The following MYZAP variants were observed in gnomAD, a reference collection of about 807,000 sequenced individuals.
MYZAP encodes the protein myocardial zonula adherens protein.
A neutral mutation model predicts 69.4 loss-of-function variants in MYZAP; 66 were observed. That is an observed-to-expected ratio of 0.95 (90% CI 0.78 to 1.17). MYZAP has a LOEUF of 1.17. Ranked by LOEUF, MYZAP falls within the 50% of genes most tolerant of loss-of-function variation. The pLI, the probability that MYZAP is intolerant of heterozygous loss-of-function variation, is 0.00. For missense variants in MYZAP, 611 were observed against 556.2 expected, an observed-to-expected ratio of 1.10 and a Z score of -0.99; for synonymous variants, 256 against 205.9, an observed-to-expected ratio of 1.24 and a Z score of -2.09.
chr15:57,643,181 G>A (rs2037257926), intron 10 of MYZAP, among the ~76,000 whole-genome samples: 1 of 152,114 alleles, frequency 6.6e-6, no homozygotes, highest in Non-Finnish European at 1.5e-5. Flanking sequence ...CGAGGGATTG[G>A]AAAGAAAAAG....
intron 11 of MYZAP, among the ~76,000 whole-genome samples, chr15:57,662,855 C>T (rs1392761304): frequency 1.3e-5 from 2 of 152,140 alleles, no homozygotes; most frequent in Non-Finnish European, 2.9e-5. Flanking sequence ...TGAGGGGTTG[C>T]CTTACAGCAG....
intron 12 of MYZAP, among the ~76,000 whole-genome samples, chr15:57,679,422 T>C (rs1333550943): frequency 3.3e-5 from 5 of 149,880 alleles, no homozygotes; most frequent in Admixed American, 6.7e-5. Flanking sequence ...ATGAGCTCCA[T>C]GAGGGCAGGG....
intron 11 of MYZAP, among the ~76,000 whole-genome samples, chr15:57,671,758 T>TA (rs2038879723): frequency 6.6e-6 from 1 of 152,236 alleles, no homozygotes; most frequent in South Asian, 2.1e-4. Flanking sequence ...CTATTTTTTT[T>TA]ACTACTTCAT....
intron 2 of MYZAP, among the ~76,000 whole-genome samples, chr15:57,613,808 C>T (rs1308250835): frequency 2.6e-5 from 4 of 152,182 alleles, no homozygotes; most frequent in East Asian, 1.9e-4. Context: ...TCTACATCCA[C>T]GCTGTATAAG....
In MYZAP at chr15:57,612,128, G is replaced by A. The variant is rs552409791; in HGVS notation, c.163-5905G>A. On this transcript the variant is annotated intron_variant, in intron 2 of 12. Coordinates refer to ENST00000267853, the MANE Select transcript of MYZAP (RefSeq NM_001018100.5). Reference sequence around the variant, plus strand: ...GTGCCAGCCTCTGCCTGCAAGATGGGCAGGGAACCCAGTGGCTCTGTGCTC... The same window carrying A: ...GTGCCAGCCTCTGCCTGCAAGATGGACAGGGAACCCAGTGGCTCTGTGCTC... Among the ~76,000 whole-genome samples the A allele has an allele frequency of 3.3e-5, 5 of 152,346 alleles. No homozygotes were observed. The East Asian group carries it at 5.8e-4, about 18-fold the overall frequency.
chr15:57,632,960 T>A (rs149250049), intron 7 of MYZAP, among the ~76,000 whole-genome samples: 1 of 152,340 alleles, frequency 6.6e-6, no homozygotes, highest in Non-Finnish European at 1.5e-5. Flanking sequence ...ACTCTCTCCA[T>A]GCCTGGAGTC....
intron 10 of MYZAP, chr15:57,647,703 C>T (rs1249927590): frequency 1.0e-6 from 1 of 985,234 alleles, no homozygotes; most frequent in Non-Finnish European, 1.2e-6. Flanking sequence ...CCTGAGAGTG[C>T]CTCCTAAGTG....
At chr15:57,653,330 C>G (rs781324133) in intron 10 of MYZAP, among the ~76,000 whole-genome samples, 2 of 152,138 alleles carry the variant, frequency 1.3e-5, no homozygotes, top group Non-Finnish European at 2.9e-5. Flanking sequence ...AAGGAAACAG[C>G]TTGAAGTTCC....
intron 2 of MYZAP, among the ~76,000 whole-genome samples, chr15:57,613,651 A>G (rs2140365162): frequency 6.6e-6 from 1 of 152,070 alleles, no homozygotes; most frequent in South Asian, 2.1e-4. Context: ...GATTATAAGC[A>G]TGAGACACCG....
intron 11 of MYZAP, among the ~76,000 whole-genome samples, chr15:57,663,668 C>T (rs949547234): frequency 1.3e-5 from 2 of 152,104 alleles, no homozygotes; most frequent in East Asian, 1.9e-4. Context: ...AGCCTGCCCT[C>T]GGCAGAGCCA....
chr15:57,618,744 T>G (rs1224663981), intron 3 of MYZAP, among the ~76,000 whole-genome samples: 2 of 152,226 alleles, frequency 1.3e-5, no homozygotes, highest in Non-Finnish European at 2.9e-5. Flanking sequence ...ATCTCACTAT[T>G]CATCCAGAGC....
chr15:57,659,646 T>C (rs2038181651), intron 10 of MYZAP, among the ~76,000 whole-genome samples: 2 of 152,220 alleles, frequency 1.3e-5, no homozygotes, highest in South Asian at 4.1e-4. Context: ...CCACTAAGAA[T>C]ATTGAGTCAA....
intron 3 of MYZAP, among the ~76,000 whole-genome samples, chr15:57,619,794 C>T (rs1242589507): frequency 6.6e-6 from 1 of 152,160 alleles, no homozygotes; most frequent in Non-Finnish European, 1.5e-5. Context: ...AGGTATGGCT[C>T]CTCCCTTAGT....
In MYZAP at chr15:57,608,274, A is replaced by G. The variant is rs561945003; in HGVS notation, c.162+3919A>G. On this transcript the variant is annotated intron_variant, in intron 2 of 12. Coordinates refer to ENST00000267853, the MANE Select transcript of MYZAP (RefSeq NM_001018100.5). The stretch of plus-strand genomic sequence containing the variant: ...CCATGGGACAGCTGGCCATGCATAG[A>G]GGCTGCTGCCAGTTGGGCCATTCTT... 1.0e-3 allele frequency among the ~76,000 whole-genome samples: 157 copies of G among 152,310 alleles called. 2 individuals are homozygous for G. The highest frequency in any genetic ancestry group is 0.01 in the Middle Eastern group (3 of 294).
rs146814881 is a variant in MYZAP at position 57,617,587 on chromosome 15, C to T, written c.163-446C>T. 6.6e-5 allele frequency among the ~76,000 whole-genome samples: 10 copies of T among 152,286 alleles called. No individual in the cohort carries two copies. In the East Asian group the frequency reaches 1.9e-3, roughly 29 times the overall value. On this transcript the variant is annotated intron_variant, in intron 2 of 12. Transcript: ENST00000267853. Reference sequence around the variant, plus strand: ...AACTTGGCCCCAGGACCAGCCCTACCCTCAGAGGACAGTTTGGCTGCTAGA... The same window carrying T: ...AACTTGGCCCCAGGACCAGCCCTACTCTCAGAGGACAGTTTGGCTGCTAGA...
At chr15:57,664,273 T>C (rs2038461300) in intron 11 of MYZAP, among the ~76,000 whole-genome samples, 1 of 152,164 alleles carries the variant, frequency 6.6e-6, no homozygotes, top group Non-Finnish European at 1.5e-5. Flanking sequence ...CTCAGTGGCT[T>C]CTTCCAAGGT....
chr15:57,654,926 T>C (rs1595915584), intron 10 of MYZAP, among the ~76,000 whole-genome samples: 2 of 152,160 alleles, frequency 1.3e-5, no homozygotes, highest in African/African-American at 4.8e-5. Flanking sequence ...GCAGTTTTTA[T>C]TTAAATGTGC....
At chr15:57,623,220 G>A (rs1407624490) in intron 4 of MYZAP, among the ~76,000 whole-genome samples, 1 of 152,122 alleles carries the variant, frequency 6.6e-6, no homozygotes, top group Non-Finnish European at 1.5e-5. Context: ...AAAGAAGAGG[G>A]TTGCTGATGA....
intron 11 of MYZAP, among the ~76,000 whole-genome samples, chr15:57,673,426 C>G (rs2038962745): frequency 6.6e-6 from 1 of 151,684 alleles, no homozygotes; most frequent in Non-Finnish European, 1.5e-5. Context: ...CTCTTTCTCT[C>G]TCTCTCTCTG....
Sources: allele counts gnomAD v4.1 joint callset (sites outside exome capture counted in the v4.1 genomes callset), GRCh38; gene constraint gnomAD v4.1.1; transcripts MANE v1.5; gene names NCBI Gene and HGNC (gene_info 2026-07-23, HGNC 2026-07-21).